The following SEC24D variants were observed in gnomAD, a reference collection of about 807,000 sequenced individuals.
The protein encoded by SEC24D is SEC24 homolog D, COPII component.
In SEC24D, 69 loss-of-function variants were observed where a neutral mutation model predicts 116.9. The observed-to-expected ratio is 0.59, with a 90% CI of 0.49 to 0.72. SEC24D has a LOEUF of 0.72. SEC24D is among the 30% of genes least tolerant of loss of function. SEC24D has a pLI of 0.00. For missense variants in SEC24D, 1,131 were observed against 1,264.1 expected (o/e 0.89, Z 1.60); for synonymous variants, 405 against 442.8 (o/e 0.91, Z 1.07).
chr4:118,731,559 C>T lies in SEC24D; in HGVS notation c.2677-52G>A, dbSNP rs994129263. 2.0e-6 allele frequency: 3 copies of T among 1,492,856 alleles called. No individual in the cohort carries two copies. In the South Asian group the frequency reaches 3.4e-5, roughly 17 times the overall value. The allele number at this position is 1,492,856 out of a possible 1,614,324, so 92.5% of individuals were successfully genotyped here. A position where few individuals can be genotyped will look rare whatever the true frequency, so the allele number is the denominator to read the frequency against. ...GAAACTCCTTTCTTCCCCTTCCCTT[C>T]CCTCCTTCCTCTTTTCCTTTCCTTT... is the stretch of plus-strand genomic sequence containing the variant. On this transcript the variant is annotated intron_variant, in intron 20 of 22. Transcript: ENST00000280551.
At chr4:118,742,726 G>T (rs1409169742) in intron 15 of SEC24D, among the ~76,000 whole-genome samples, 1 of 152,128 alleles carries the variant, frequency 6.6e-6, no homozygotes, top group Non-Finnish European at 1.5e-5. Flanking sequence ...ATTTATGTTG[G>T]AGAATACACC....
chr4:118,730,031 T>C (rs1725603821), intron 21 of SEC24D: 1 of 152,240 alleles, frequency 6.6e-6, no homozygotes, highest in African/African-American at 2.4e-5. Flanking sequence ...ATTTTGTTGA[T>C]GAAAGTCAAG....
intron 13 of SEC24D, among the ~76,000 whole-genome samples, chr4:118,747,217 T>G (rs947095260): frequency 3.3e-5 from 5 of 152,046 alleles, no homozygotes; most frequent in African/African-American, 1.2e-4. Context: ...GTTAAGCATG[T>G]TGAAAACTCT....
intron 8 of SEC24D, among the ~76,000 whole-genome samples, chr4:118,786,860 C>A (rs1182866161): frequency 2.0e-5 from 3 of 152,144 alleles, no homozygotes; most frequent in African/African-American, 7.2e-5. Flanking sequence ...TGAAAATTCA[C>A]TGAAAATTAA....
intron 7 of SEC24D, among the ~76,000 whole-genome samples, chr4:118,798,799 A>G (rs1305202514): frequency 2.6e-5 from 4 of 152,266 alleles, no homozygotes; most frequent in African/African-American, 7.2e-5. Flanking sequence ...AAAGAGTCAT[A>G]GGAGGCAAGC....
chr4:118,777,359 T>C (rs1728184700), intron 8 of SEC24D, among the ~76,000 whole-genome samples: 1 of 152,126 alleles, frequency 6.6e-6, no homozygotes, highest in Non-Finnish European at 1.5e-5. Flanking sequence ...AATGAGAACA[T>C]GTGGTGTTTG....
At chr4:118,826,287 C>T (rs1027508735) in intron 2 of SEC24D, among the ~76,000 whole-genome samples, 1 of 152,112 alleles carries the variant, frequency 6.6e-6, no homozygotes, top group African/African-American at 2.4e-5. Context: ...CGATAAGATA[C>T]TCTATTTTTC....
At chr4:118,801,230 C>A (rs1387995210) in intron 7 of SEC24D, among the ~76,000 whole-genome samples, 8 of 151,478 alleles carry the variant, frequency 5.3e-5, no homozygotes, top group Non-Finnish European at 1.2e-4. Context: ...CCACTGTACT[C>A]CAGCCTGGGC....
chr4:118,740,430 T>A (rs1275951801), intron 17 of SEC24D, among the ~76,000 whole-genome samples: 2 of 152,200 alleles, frequency 1.3e-5, no homozygotes, highest in Non-Finnish European at 2.9e-5. Context: ...ACCACAAATT[T>A]GCTGGACTTG....
At chr4:118,748,874 C>G (rs1260109588) in intron 13 of SEC24D, among the ~76,000 whole-genome samples, 1 of 152,098 alleles carries the variant, frequency 6.6e-6, no homozygotes, top group Non-Finnish European at 1.5e-5. Flanking sequence ...CTCCATAAAC[C>G]TTTGTGCAAG....
At chr4:118,807,129 C>T (rs1475964453) in intron 6 of SEC24D, among the ~76,000 whole-genome samples, 1 of 152,168 alleles carries the variant, frequency 6.6e-6, no homozygotes, top group Non-Finnish European at 1.5e-5. Context: ...CTTCAATTTG[C>T]TTTTCAAGTT....
At chr4:118,794,510 T>A (rs1729089463) in intron 8 of SEC24D, among the ~76,000 whole-genome samples, 1 of 152,244 alleles carries the variant, frequency 6.6e-6, no homozygotes, top group Non-Finnish European at 1.5e-5. Flanking sequence ...AATACTGATA[T>A]ACAATAGAAT....
intron 6 of SEC24D, among the ~76,000 whole-genome samples, chr4:118,814,497 G>A (rs1043421279): frequency 2.6e-5 from 4 of 152,142 alleles, no homozygotes; most frequent in Admixed American, 6.6e-5. Context: ...TATGCAGAAT[G>A]GCCTTGCAAA....
chr4:118,762,218 C>CT (rs967288985), intron 10 of SEC24D, among the ~76,000 whole-genome samples: 2 of 151,032 alleles, frequency 1.3e-5, no homozygotes, highest in East Asian at 1.9e-4. Flanking sequence ...AAGCTGAGGC[C>CT]TTTTTTTTTC....
At chr4:118,807,212 C>T (rs1486765404) in intron 6 of SEC24D, among the ~76,000 whole-genome samples, 1 of 152,082 alleles carries the variant, frequency 6.6e-6, no homozygotes, top group Non-Finnish European at 1.5e-5. Flanking sequence ...TGGTTTTTGC[C>T]CGCTGCAGAG....
intron 12 of SEC24D, 137 bp downstream of exon 12, chr4:118,752,560 A>G: frequency 1.6e-6 from 1 of 612,004 alleles, no homozygotes; most frequent in African/African-American, 1.9e-5. Flanking sequence ...GACTTAACAT[A>G]AATGATAGAG....
In SEC24D at chr4:118,833,567, A is replaced by C; in HGVS notation, c.118+12T>G. 6.4e-7 allele frequency: 1 copy of C among 1,557,410 alleles called. No homozygotes were observed. The highest frequency in any genetic ancestry group is 8.8e-7 in the Non-Finnish European group (1 of 1,131,988). ...TGAATAATCACATACAAGTCAAAAT[A>C]ACACACTGTACCTGTTGGAGATGCT... On this transcript the variant is annotated intron_variant, in intron 2 of 22. Coordinates refer to ENST00000280551, the MANE Select transcript of SEC24D (RefSeq NM_014822.4).
intron 22 of SEC24D, among the ~76,000 whole-genome samples, chr4:118,723,882 G>A (rs114571858): frequency 1.3e-5 from 2 of 152,242 alleles, no homozygotes; most frequent in African/African-American, 2.4e-5. Context: ...TGAAACCTAA[G>A]CAGAGTGTTA....
intron 13 of SEC24D, among the ~76,000 whole-genome samples, chr4:118,751,175 G>GTTTTTTTTTTT (rs1560635909): frequency 8.2e-5 from 8 of 97,308 alleles, no homozygotes; most frequent in African/African-American, 1.6e-4. Context: ...TAGAGTGAGG[G>GTTTTTTTTTTT]CTTTTTTTTT....
Sources: allele counts gnomAD v4.1 joint callset (sites outside exome capture counted in the v4.1 genomes callset), GRCh38; gene constraint gnomAD v4.1.1; transcripts MANE v1.5; gene names NCBI Gene and HGNC (gene_info 2026-07-23, HGNC 2026-07-21).